Variants in RBPMS2 observed in about 807,000 individuals in gnomAD.
RBPMS2 encodes RNA-binding protein with multiple splicing 2.
Under a neutral mutation model 25.7 loss-of-function variants are expected in RBPMS2, and 14 were observed. The observed-to-expected ratio is 0.55, with a 90% CI of 0.36 to 0.85. The LOEUF (loss-of-function observed/expected upper bound fraction) is 0.85. RBPMS2 is among the 40% of genes least tolerant of loss of function. RBPMS2 has a pLI of 0.01. For missense variants in RBPMS2, 252 were observed against 283.4 expected, an observed-to-expected ratio of 0.89 and a Z score of 0.80; for synonymous variants, 127 against 115.6, an observed-to-expected ratio of 1.10 and a Z score of -0.63.
At chr15:64,760,248 G>A (rs531350828) in intron 1 of RBPMS2, among the ~76,000 whole-genome samples, 8 of 152,292 alleles carry the variant, frequency 5.3e-5, no homozygotes, top group Middle Eastern at 3.4e-3. Flanking sequence ...CAGGAGCCAC[G>A]ACCATGGGGA....
intron 1 of RBPMS2, among the ~76,000 whole-genome samples, chr15:64,768,309 A>G (rs1278058536): frequency 1.3e-5 from 2 of 152,112 alleles, no homozygotes; most frequent in Non-Finnish European, 2.9e-5. Context: ...CAAGTTCGAG[A>G]GCAGCCTGGG....
At position 64,775,437 on chromosome 15, in the gene RBPMS2, G is replaced by A. The variant is rs1360822322; in HGVS notation, c.-118C>T. The A allele has an allele frequency of 3.4e-6, 1 of 294,960 alleles. No homozygotes were observed. The highest frequency in any genetic ancestry group is 5.6e-6 in the Non-Finnish European group (1 of 177,822). The allele number at this position is 294,960 out of a possible 1,614,324, so 18.3% of individuals were successfully genotyped here. ...CGCGGGTGCGGAGCGGGTGGCGGGG[G>A]ACCCACGGGGCAGTGAGAGGGGCAG... On this transcript the variant is annotated 5_prime_UTR_variant, in exon 1 of 8. Coordinates refer to ENST00000300069, the MANE Select transcript of RBPMS2 (RefSeq NM_194272.3).
intron 1 of RBPMS2, among the ~76,000 whole-genome samples, chr15:64,763,261 C>G (rs938252850): frequency 6.6e-6 from 1 of 152,158 alleles, no homozygotes; most frequent in African/African-American, 2.4e-5. Flanking sequence ...CAGGGGAAGA[C>G]AGCAAGCAGC....
At chr15:64,767,491 C>G (rs751318916) in intron 1 of RBPMS2, among the ~76,000 whole-genome samples, 4 of 152,180 alleles carry the variant, frequency 2.6e-5, no homozygotes, top group Non-Finnish European at 5.9e-5. Context: ...TCAGGGCAGG[C>G]AGGACTCACC....
intron 1 of RBPMS2, among the ~76,000 whole-genome samples, chr15:64,774,749 C>T (rs1231011690): frequency 3.2e-5 from 1 of 30,788 alleles, no homozygotes; most frequent in Non-Finnish European, 7.9e-5. Flanking sequence ...CGGCCCAGGC[C>T]TCCAAGGTCA....
At chr15:64,773,136 C>T (rs1298560999) in intron 1 of RBPMS2, among the ~76,000 whole-genome samples, 1 of 152,180 alleles carries the variant, frequency 6.6e-6, no homozygotes, top group East Asian at 1.9e-4. Flanking sequence ...CTGTGTCAGC[C>T]ATGGGAGTAA....
intron 1 of RBPMS2, among the ~76,000 whole-genome samples, chr15:64,752,085 C>A (rs1349558680): frequency 6.6e-6 from 1 of 151,902 alleles, no homozygotes; most frequent in Non-Finnish European, 1.5e-5. Flanking sequence ...CTGCCTCAGC[C>A]TCCTGAGTAG....
chr15:64,742,714 G>A (rs2083574245), intron 6 of RBPMS2, among the ~76,000 whole-genome samples: 2 of 152,170 alleles, frequency 1.3e-5, no homozygotes, highest in South Asian at 2.1e-4. Context: ...AGTCCCCTCA[G>A]GAAGGGAAGG....
At chr15:64,756,970 ATT>A (rs567804797) in intron 1 of RBPMS2, among the ~76,000 whole-genome samples, 33 of 98,904 alleles carry the variant, frequency 3.3e-4, no homozygotes, top group Admixed American at 4.4e-4. Context: ...GCCCGGCCTC[ATT>A]TTTTTTTTTT....
chr15:64,772,490 C>T (rs1007676667), intron 1 of RBPMS2, among the ~76,000 whole-genome samples: 11 of 151,820 alleles, frequency 7.2e-5, no homozygotes, highest in Non-Finnish European at 1.6e-4. Flanking sequence ...AGAAAAATGC[C>T]AATTTTCCCG....
intron 6 of RBPMS2, among the ~76,000 whole-genome samples, chr15:64,742,618 C>G (rs188102177): frequency 7.2e-5 from 11 of 152,288 alleles, no homozygotes; most frequent in African/African-American, 2.4e-4. Context: ...TGACCCAGGA[C>G]AGGGAAAGGG....
At chr15:64,750,285 T>C in intron 3 of RBPMS2, 58 bp downstream of exon 3, 1 of 1,483,288 alleles carries the variant, frequency 6.7e-7, no homozygotes, top group Middle Eastern at 1.7e-4. Context: ...CGGGCCCTTG[T>C]TTGAAGCTCA....
intron 6 of RBPMS2, among the ~76,000 whole-genome samples, chr15:64,741,970 A>G (rs2083566521): frequency 6.6e-6 from 1 of 152,232 alleles, no homozygotes; most frequent in African/African-American, 2.4e-5. Context: ...GTTCGAGACC[A>G]GCCTGACCAA....
intron 6 of RBPMS2, among the ~76,000 whole-genome samples, chr15:64,742,434 A>G (rs1840485195): frequency 6.6e-6 from 1 of 152,230 alleles, no homozygotes; most frequent in Non-Finnish European, 1.5e-5. Flanking sequence ...CACTTGCCAG[A>G]AGGCCCCACA....
At chr15:64,743,111 T>C (rs1285584558) in intron 6 of RBPMS2, among the ~76,000 whole-genome samples, 3 of 152,188 alleles carry the variant, frequency 2.0e-5, no homozygotes, top group Non-Finnish European at 4.4e-5. Flanking sequence ...CCACTGCCCT[T>C]CATGTAGCCT....
intron 6 of RBPMS2, among the ~76,000 whole-genome samples, chr15:64,742,359 C>T (rs947858649): frequency 4.6e-5 from 7 of 152,182 alleles, no homozygotes; most frequent in East Asian, 1.9e-4. Context: ...AGGTCTATAA[C>T]GTCAGGTGGG....
intron 6 of RBPMS2, among the ~76,000 whole-genome samples, chr15:64,742,339 C>CTT (rs989921812): frequency 6.6e-6 from 1 of 152,206 alleles, no homozygotes; most frequent in Admixed American, 6.5e-5. Flanking sequence ...TCACAAGCCT[C>CTT]TAAGTCCAGA....
intron 6 of RBPMS2, 62 bp from the exon 7 acceptor site, chr15:64,741,304 T>A (rs1595782650): frequency 7.4e-7 from 1 of 1,350,534 alleles, no homozygotes; most frequent in East Asian, 2.5e-5. Context: ...GGAAGCCAGG[T>A]AACCATGGCC....
intron 2 of RBPMS2, among the ~76,000 whole-genome samples, chr15:64,750,879 A>T (rs2083671277): frequency 6.6e-6 from 1 of 151,566 alleles, no homozygotes; most frequent in Non-Finnish European, 1.5e-5. Flanking sequence ...CTCTACTAAA[A>T]ATACAAAAAC....
Sources: allele counts gnomAD v4.1 joint callset (sites outside exome capture counted in the v4.1 genomes callset), GRCh38; gene constraint gnomAD v4.1.1; transcripts MANE v1.5; gene names NCBI Gene and HGNC (gene_info 2026-07-23, HGNC 2026-07-21).